SCARA3: variants seen among roughly 807,000 people sequenced by gnomAD.
SCARA3 encodes the protein scavenger receptor class A member 3, also known as cellular stress response gene protein.
Under a neutral mutation model 47.0 loss-of-function variants are expected in SCARA3, and 39 were observed. That is an observed-to-expected ratio of 0.83 (90% CI 0.64 to 1.08). The LOEUF is 1.08. SCARA3 is among the 50% of genes least tolerant of loss of function. The pLI, the probability that SCARA3 is intolerant of heterozygous loss-of-function variation, is 0.00. For synonymous variants in SCARA3, 356 were observed against 334.1 expected (o/e 1.07, Z -0.71); for missense variants, 724 against 792.3 (o/e 0.91, Z 1.04).
chr8:27,653,879 A>T lies in SCARA3; in HGVS notation c.226+2252A>T, dbSNP rs35285219. On this transcript the variant is annotated intron_variant, in intron 3 of 5. Coordinates refer to ENST00000301904, the MANE Select transcript of SCARA3 (RefSeq NM_016240.3). The stretch of plus-strand genomic sequence containing the variant: ...TTTTTTCTGTAAAAGGCTACATAGT[A>T]AATATTTTAGGCTTTTCAGGTTACA... Among the ~76,000 whole-genome samples the T allele has an allele frequency of 6.0e-3, 915 of 152,266 alleles. 13 individuals are homozygous for T. Among genetic ancestry groups the T allele is most frequent in the African/African-American group, 0.021 (863 of 41,540 alleles).
At chr8:27,639,087 C>T (rs939262718) in intron 1 of SCARA3, among the ~76,000 whole-genome samples, 14 of 152,180 alleles carry the variant, frequency 9.2e-5, no homozygotes, top group African/African-American at 2.2e-4. Context: ...CCTGCAGGCA[C>T]CTTCTTCATG....
chr8:27,671,180 G>C lies in SCARA3; in HGVS notation c.1650G>C (p.Gly550=), dbSNP rs1219177286. The C allele has an allele frequency of 6.6e-7, 1 of 1,517,136 alleles. No homozygotes were observed. Among genetic ancestry groups the C allele is most frequent in the Non-Finnish European group, 8.8e-7 (1 of 1,137,782 alleles). The allele number at this position is 1,517,136 out of a possible 1,614,324, so 94.0% of individuals were successfully genotyped here. A position where few individuals can be genotyped will look rare whatever the true frequency, so the allele number is the denominator to read the frequency against. The change falls in exon 6 of 6, where the codon GGG becomes GGC. Residue 550 remains glycine, a synonymous_variant. Coordinates refer to ENST00000301904, the MANE Select transcript of SCARA3 (RefSeq NM_016240.3). ...KGDIGPPGPE[G]PPGSPGPSGP... is the part of the protein sequence containing the mutation. The stretch of plus-strand genomic sequence containing the variant: ...ACATAGGGCCCCCAGGGCCAGAAGG[G>C]CCCCCGGGGTCTCCAGGGCCCTCAG...
chr8:27,666,284 G>A (rs941425580), intron 5 of SCARA3, among the ~76,000 whole-genome samples: 1 of 152,174 alleles, frequency 6.6e-6, no homozygotes, highest in Admixed American at 6.5e-5. Flanking sequence ...ATCCACAAAT[G>A]CCTGGAGGGG....
the SCARA3 span, among the ~76,000 whole-genome samples, chr8:27,683,460 ACT>A: frequency 6.6e-6 from 1 of 152,210 alleles, no homozygotes. Context: ...GAATCATAAA[ACT>A]AATTTAAAAA....
At chr8:27,662,974 A>G (rs1330352495) in intron 5 of SCARA3, among the ~76,000 whole-genome samples, 1 of 152,202 alleles carries the variant, frequency 6.6e-6, no homozygotes, top group African/African-American at 2.4e-5. Flanking sequence ...ATAGGATGCA[A>G]ATATCTTCAG....
chr8:27,693,030 G>A, the SCARA3 span, among the ~76,000 whole-genome samples: 2 of 151,468 alleles, frequency 1.3e-5, no homozygotes, highest in Non-Finnish European at 2.9e-5. Flanking sequence ...GGAGGCTGAG[G>A]CAGAGAACCA....
At chr8:27,698,705 C>G in the SCARA3 span, among the ~76,000 whole-genome samples, 134 of 152,048 alleles carry the variant, frequency 8.8e-4, 1 homozygote, top group Admixed American at 2.2e-3. Context: ...CATTGCATCT[C>G]TATATACTAG....
chr8:27,719,567 G>A, the SCARA3 span, among the ~76,000 whole-genome samples: 3 of 151,538 alleles, frequency 2.0e-5, no homozygotes, highest in African/African-American at 7.3e-5. Context: ...TGAAGGTAAG[G>A]TCTAGGCTGT....
At chr8:27,730,482 C>A in the SCARA3 span, among the ~76,000 whole-genome samples, 1 of 114,992 alleles carries the variant, frequency 8.7e-6, no homozygotes, top group Non-Finnish European at 1.8e-5. Flanking sequence ...AGAGCTTCTG[C>A]CTTTGATTTT....
the SCARA3 span, among the ~76,000 whole-genome samples, chr8:27,726,525 C>G: frequency 1.3e-5 from 2 of 152,006 alleles, no homozygotes; most frequent in Non-Finnish European, 1.5e-5. Flanking sequence ...GGTGAAACCC[C>G]GTCTCTACTA....
intron 5 of SCARA3, among the ~76,000 whole-genome samples, chr8:27,662,634 G>T (rs1162310266): frequency 1.3e-5 from 2 of 152,224 alleles, no homozygotes; most frequent in East Asian, 3.8e-4. Flanking sequence ...TGATGGAAAT[G>T]ATCCAGTGTA....
At chr8:27,642,551 G>A (rs1430368785) in intron 1 of SCARA3, among the ~76,000 whole-genome samples, 2 of 152,150 alleles carry the variant, frequency 1.3e-5, no homozygotes, top group African/African-American at 4.8e-5. Flanking sequence ...GGCCAGGCAT[G>A]GTGGCTCATG....
intron 4 of SCARA3, among the ~76,000 whole-genome samples, chr8:27,657,882 T>C (rs1801777270): frequency 6.6e-6 from 1 of 152,102 alleles, no homozygotes; most frequent in Admixed American, 6.5e-5. Flanking sequence ...AGTGAGAGCA[T>C]GTGGTCTTTG....
intron 2 of SCARA3, among the ~76,000 whole-genome samples, chr8:27,650,418 G>A (rs1446692212): frequency 6.6e-6 from 1 of 152,144 alleles, no homozygotes; most frequent in Non-Finnish European, 1.5e-5. Context: ...AGCTGGCCTG[G>A]AACTGTCCCC....
chr8:27,646,965 C>CGGG (rs1563402910), intron 1 of SCARA3, among the ~76,000 whole-genome samples: 1 of 48,378 alleles, frequency 2.1e-5, no homozygotes. Context: ...CACCCCTGAC[C>CGGG]GCCCCCGCCC....
chr8:27,716,852 T>C, the SCARA3 span, among the ~76,000 whole-genome samples: 1 of 152,234 alleles, frequency 6.6e-6, no homozygotes, highest in Admixed American at 6.5e-5. Flanking sequence ...TCTTCTTAAT[T>C]GATTAAAACG....
chr8:27,710,601 G>C, the SCARA3 span, among the ~76,000 whole-genome samples: 2 of 152,096 alleles, frequency 1.3e-5, no homozygotes, highest in Non-Finnish European at 2.9e-5. Context: ...CAAAACAAAC[G>C]GATTGTTTTG....
chr8:27,732,409 G>T, the SCARA3 span, among the ~76,000 whole-genome samples: 1 of 152,194 alleles, frequency 6.6e-6, no homozygotes, highest in Non-Finnish European at 1.5e-5. Flanking sequence ...TCTGGCTATG[G>T]TGTAGACCTA....
intron 5 of SCARA3, among the ~76,000 whole-genome samples, chr8:27,669,236 C>T (rs150534618): frequency 1.3e-5 from 2 of 152,280 alleles, no homozygotes; most frequent in African/African-American, 4.8e-5. Flanking sequence ...TGAGTGAGCA[C>T]GCAATTTTGT....
Sources: allele counts gnomAD v4.1 joint callset (sites outside exome capture counted in the v4.1 genomes callset), GRCh38; gene constraint gnomAD v4.1.1; transcripts MANE v1.5; gene names NCBI Gene and HGNC (gene_info 2026-07-23, HGNC 2026-07-21).